MEF2A: variants seen among roughly 807,000 people sequenced by gnomAD.
MEF2A encodes myocyte enhancer factor 2A.
Under a neutral mutation model 55.8 loss-of-function variants are expected in MEF2A, and 28 were observed. The ratio of observed to expected loss-of-function variants is 0.50; its 90% CI spans 0.37 to 0.69. The LOEUF is 0.69. Among genes scored for constraint, MEF2A ranks in the 30% least tolerant of loss-of-function variants. The probability of loss-of-function intolerance (pLI) is 0.00; values close to 1 mark genes in which losing one functional copy is unlikely to be tolerated. For missense variants in MEF2A, 528 were observed against 626.2 expected, an observed-to-expected ratio of 0.84 and a Z score of 1.67; for synonymous variants, 239 against 227.1, an observed-to-expected ratio of 1.05 and a Z score of -0.47.
intron 4 of MEF2A, among the ~76,000 whole-genome samples, chr15:99,654,649 A>C (rs1192238879): frequency 6.6e-6 from 1 of 152,152 alleles, no homozygotes; most frequent in African/African-American, 2.4e-5. Context: ...GCTGTGTTCA[A>C]GCGGGCTCCA....
At chr15:99,705,306 A>G (rs1338890307) in intron 9 of MEF2A, among the ~76,000 whole-genome samples, 2 of 152,202 alleles carry the variant, frequency 1.3e-5, no homozygotes, top group African/African-American at 4.8e-5. Flanking sequence ...TTTTCCCACC[A>G]GTTATATAGA....
intron 4 of MEF2A, among the ~76,000 whole-genome samples, chr15:99,653,148 C>T (rs1194998736): frequency 2.0e-5 from 3 of 152,160 alleles, no homozygotes; most frequent in Non-Finnish European, 2.9e-5. Context: ...AGGTGCTTCC[C>T]GTGTTTCTCA....
At chr15:99,671,867 G>T (rs2050939558) in intron 5 of MEF2A, among the ~76,000 whole-genome samples, 1 of 152,166 alleles carries the variant, frequency 6.6e-6, no homozygotes, top group African/African-American at 2.4e-5. Context: ...GAGAAAACAT[G>T]CCGATCCAGA....
chr15:99,627,861 A>G (rs2042294418), intron 2 of MEF2A, among the ~76,000 whole-genome samples: 1 of 152,250 alleles, frequency 6.6e-6, no homozygotes, highest in South Asian at 2.1e-4. Context: ...GGAGAAGGAA[A>G]AAAAGCCAGT....
At chr15:99,582,397 G>GA (rs1244662441) in intron 1 of MEF2A, among the ~76,000 whole-genome samples, 6 of 152,032 alleles carry the variant, frequency 3.9e-5, no homozygotes, top group African/African-American at 1.4e-4. Flanking sequence ...AGGCCAGACT[G>GA]TGCTGTCCTT....
chr15:99,702,772 T>G (rs1202347756), intron 8 of MEF2A, among the ~76,000 whole-genome samples: 1 of 152,242 alleles, frequency 6.6e-6, no homozygotes, highest in African/African-American at 2.4e-5. Flanking sequence ...GTCATTTTAT[T>G]CACATGAAAA....
intron 2 of MEF2A, among the ~76,000 whole-genome samples, chr15:99,600,230 A>C (rs1478312126): frequency 6.6e-6 from 1 of 152,084 alleles, no homozygotes; most frequent in Non-Finnish European, 1.5e-5. Context: ...TCATGTTTAG[A>C]TTTTAGGGAA....
chr15:99,650,190 G>A (rs2046618862), intron 4 of MEF2A, among the ~76,000 whole-genome samples: 2 of 152,072 alleles, frequency 1.3e-5, no homozygotes, highest in South Asian at 4.1e-4. Flanking sequence ...GCAAAAATTG[G>A]GATGCACATT....
chr15:99,630,767 G>T lies in MEF2A; in HGVS notation c.-142-2211G>T, dbSNP rs1596608795. Among the ~76,000 whole-genome samples, 14 of 152,316 alleles carry T rather than the reference G, an allele frequency of 9.2e-5. No individual in the cohort carries two copies. The South Asian group carries it at 2.3e-3, about 25-fold the overall frequency. On this transcript the variant is annotated intron_variant, in intron 2 of 11. Transcript: ENST00000557942. ...GATTTAAAGCTGTGCTTCTCTTCCT[G>T]CGTGGGCTAGTCTGTTGCTAGTTCA... is the stretch of plus-strand genomic sequence containing the variant.
chr15:99,573,161 A>T (rs1243059446), intron 1 of MEF2A, among the ~76,000 whole-genome samples: 1 of 152,088 alleles, frequency 6.6e-6, no homozygotes, highest in Non-Finnish European at 1.5e-5. Flanking sequence ...GGTGGTGGGC[A>T]CCAGTAGTCC....
intron 8 of MEF2A, among the ~76,000 whole-genome samples, chr15:99,695,006 G>C (rs1176076755): frequency 6.6e-6 from 1 of 150,698 alleles, no homozygotes; most frequent in Non-Finnish European, 1.5e-5. Context: ...AGGGGGAGCA[G>C]GCGCTTTTTT....
At chr15:99,646,142 A>T (rs940244266) in intron 4 of MEF2A, among the ~76,000 whole-genome samples, 24 of 152,154 alleles carry the variant, frequency 1.6e-4, no homozygotes, top group Admixed American at 7.9e-4. Context: ...TCACAACTTT[A>T]AACACTTAAG....
intron 7 of MEF2A, among the ~76,000 whole-genome samples, chr15:99,684,465 T>G (rs577693310): frequency 3.5e-4 from 53 of 152,362 alleles, no homozygotes; most frequent in Middle Eastern, 3.4e-3. Context: ...TGATAATTAG[T>G]GATGTTGAGC....
At chr15:99,658,615 C>A (rs1308410349) in intron 4 of MEF2A, among the ~76,000 whole-genome samples, 16 of 148,848 alleles carry the variant, frequency 1.1e-4, no homozygotes, top group South Asian at 4.3e-4. Flanking sequence ...AAAAAAAAAA[C>A]AAACAAAAAC....
chr15:99,611,491 C>T (rs1277715967), intron 2 of MEF2A, among the ~76,000 whole-genome samples: 1 of 152,136 alleles, frequency 6.6e-6, no homozygotes, highest in Non-Finnish European at 1.5e-5. Flanking sequence ...TTCACACCCA[C>T]CATGATGGCA....
At chr15:99,642,109 G>A (rs1000758017) in intron 3 of MEF2A, among the ~76,000 whole-genome samples, 5 of 152,084 alleles carry the variant, frequency 3.3e-5, no homozygotes, top group Admixed American at 6.5e-5. Context: ...CTTGAAGTCT[G>A]ACTTGGCTAG....
chr15:99,713,007 A>G lies in MEF2A; in HGVS notation c.*236A>G, dbSNP rs2058833390. The G allele has an allele frequency of 1.7e-5, 9 of 542,590 alleles. No individual in the cohort carries two copies. The highest frequency in any genetic ancestry group is 2.9e-5 in the Non-Finnish European group (9 of 310,486). The allele number at this position is 542,590 out of a possible 1,614,324, so 33.6% of individuals were successfully genotyped here. ...TCTGCAGATGTGTGTCCCATGGCAGACAAAGCACCCTGTAGGCACAGACAA... is the reference window on the plus strand; with the variant it reads ...TCTGCAGATGTGTGTCCCATGGCAGGCAAAGCACCCTGTAGGCACAGACAA... On this transcript the variant is annotated 3_prime_UTR_variant, in exon 12 of 12. Coordinates refer to ENST00000557942, the MANE Select transcript of MEF2A (RefSeq NM_001319206.4).
chr15:99,591,407 A>G (rs576902931), intron 1 of MEF2A, among the ~76,000 whole-genome samples: 1 of 152,132 alleles, frequency 6.6e-6, no homozygotes, highest in African/African-American at 2.4e-5. Context: ...GGTAATTATT[A>G]TCTTTGTTCC....
In MEF2A at chr15:99,657,697, G is replaced by A. The variant is rs577880669; in HGVS notation, c.258+11933G>A. Reference sequence around the variant, plus strand: ...GGAAAATGATCACTTCTAGGTTTATGAGCCTAATAGATACCCCCAAAACCC... The same window carrying A: ...GGAAAATGATCACTTCTAGGTTTATAAGCCTAATAGATACCCCCAAAACCC... On this transcript the variant is annotated intron_variant, in intron 4 of 11. Transcript: ENST00000557942. 8.5e-4 allele frequency among the ~76,000 whole-genome samples: 130 copies of A among 152,230 alleles called. 1 individual carries two copies. The highest frequency in any genetic ancestry group is 5.2e-3 in the South Asian group (25 of 4,822).
Sources: gnomAD v4.1 joint callset for allele counts (sites outside exome capture counted in the v4.1 genomes callset) on GRCh38, gnomAD v4.1.1 for gene constraint, MANE v1.5 for transcripts, NCBI Gene and HGNC (gene_info 2026-07-23, HGNC 2026-07-21) for gene names.